Variants in PLXNB1 observed in about 807,000 individuals in gnomAD.
The protein encoded by PLXNB1 is plexin-B1.
Under a neutral mutation model 209.4 loss-of-function variants are expected in PLXNB1, and 106 were observed. That is an observed-to-expected ratio of 0.51 (90% CI 0.43 to 0.59). The LOEUF (loss-of-function observed/expected upper bound fraction) is 0.59. PLXNB1 is among the 20% of genes least tolerant of loss of function. PLXNB1 has a pLI of 0.00. For synonymous variants in PLXNB1, 1,167 were observed against 1,183.2 expected, an observed-to-expected ratio of 0.99 and a Z score of 0.28; for missense variants, 2,357 against 2,853.2, an observed-to-expected ratio of 0.83 and a Z score of 3.96.
chr3:48,419,651 C>G lies in PLXNB1; in HGVS notation c.2635G>C (p.Glu879Gln). 6.2e-7 allele frequency: 1 copy of G among 1,612,562 alleles called. No individual in the cohort carries two copies. ...LSGDGDSAEL[E>Q]GPPAPLILPS... ...AGGATGAGGGGGGCGGGAGGGCCCT[C>G]AAGCTCTGCTGAGTCTCCATCACCT... Residue 879 changes from glutamate (E) to glutamine (Q), a missense_variant, in exon 11 of 38, where the codon GAG (glutamate) becomes CAG (glutamine). By Grantham distance (29) the Glu-to-Gln change is conservative. This residue lies in a region of PLXNB1 where 410 missense variants were observed against 401.0 expected (regional missense o/e 1.02). Transcript: ENST00000296440. This position sits in a 1 kb window ranked among gnomAD's most constrained non-coding sequence, Gnocchi z 5.7.
In PLXNB1 at chr3:48,421,001, C is replaced by A. The variant is rs377122230; in HGVS notation, c.1811-45G>T. The A allele has an allele frequency of 1.5e-5, 23 of 1,490,692 alleles. No homozygotes were observed. In the African/African-American group the frequency reaches 2.9e-4, roughly 19 times the overall value. 92.3% of individuals were successfully genotyped at this position (1,490,692 alleles called of 1,614,324 possible). A position where few individuals can be genotyped will look rare whatever the true frequency, so the allele number is the denominator to read the frequency against. ...GCCAGGGTTAAGCAGCAAGGAGGTG[C>A]ACTCAGACCCAGAGCCGATATCCTG... On this transcript the variant is annotated intron_variant, in intron 8 of 37. Transcript: ENST00000296440.
intron 37 of PLXNB1, 113 bp from the exon 38 acceptor site, chr3:48,404,703 A>C (rs1575371326): frequency 1.2e-5 from 8 of 659,138 alleles, no homozygotes. Flanking sequence ...AGGCCAAGAA[A>C]CCCAGCCGGT....
rs371426527 is a variant in PLXNB1 at position 48,418,577 on chromosome 3, T to G, written c.2956-35A>C. ...TGGGAGTGGGTTCAGAGTCAAGCACTGGGGGAAGTGTCAGGCCTGGGGAGG... is the reference window on the plus strand; with the variant it reads ...TGGGAGTGGGTTCAGAGTCAAGCACGGGGGGAAGTGTCAGGCCTGGGGAGG... On this transcript the variant is annotated intron_variant, in intron 13 of 37. Transcript: ENST00000296440. This position sits in a 1 kb window ranked among gnomAD's most constrained non-coding sequence, Gnocchi z 6.6. 3.4e-6 allele frequency: 5 copies of G among 1,489,318 alleles called. No homozygotes were observed. In the African/African-American group the frequency reaches 7.0e-5, roughly 21 times the overall value. 92.3% of individuals were successfully genotyped at this position (1,489,318 alleles called of 1,614,324 possible).
At chr3:48,412,114 G>T in intron 27 of PLXNB1, 105 bp from the exon 28 acceptor site, 1 of 1,481,570 alleles carries the variant, frequency 6.7e-7, no homozygotes, top group Non-Finnish European at 9.4e-7. Flanking sequence ...GGGGACTGAG[G>T]ACAGGCTGAG....
rs915087432 is a variant in PLXNB1 at position 48,422,941 on chromosome 3, G to C, written c.1114C>G (p.Leu372Val). The change falls in exon 4 of 38, where the codon CTG becomes GTG. Residue 372 changes from leucine (L) to valine (V), a missense_variant. Physicochemically the swap from Leu to Val is conservative, Grantham distance 32. This residue lies in a region of PLXNB1 where 404 missense variants were observed against 443.6 expected (regional missense o/e 0.91). Coordinates refer to ENST00000296440, the MANE Select transcript of PLXNB1 (RefSeq NM_001130082.3). ...TCTGAGCCACAGGGATAAGCATCCA[G>C]GGTGTCCTATAGGCAGCAAGAAGCA... ...SDCAQLPVDT[L>V]DAYPCGSDHT... 6.2e-7 allele frequency: 1 copy of C among 1,613,296 alleles called. No individual in the cohort carries two copies. Among genetic ancestry groups the C allele is most frequent in the African/African-American group, 1.3e-5 (1 of 74,900 alleles).
At position 48,419,460 on chromosome 3, in the gene PLXNB1, G is replaced by A. The variant is rs570843946; in HGVS notation, c.2710-94C>T. On this transcript the variant is annotated intron_variant, in intron 11 of 37. Transcript: ENST00000296440. The surrounding 1 kb of genome is among the most constrained non-coding windows in gnomAD (Gnocchi z 5.7). ...ATTCCAGAGGCAAGGCCGGTGTGGG[G>A]CTGCAGACTCCACCCTGCCCCTCAC... The A allele has an allele frequency of 2.7e-6, 4 of 1,502,286 alleles. No homozygotes were observed. In the African/African-American group the frequency reaches 4.1e-5, roughly 16 times the overall value. The allele number at this position is 1,502,286 out of a possible 1,614,324, so 93.1% of individuals were successfully genotyped here. A position where few individuals can be genotyped will look rare whatever the true frequency, so the allele number is the denominator to read the frequency against.
At chr3:48,428,715 G>C (rs1440065231) in intron 1 of PLXNB1, among the ~76,000 whole-genome samples, 1 of 151,946 alleles carries the variant, frequency 6.6e-6, no homozygotes, top group African/African-American at 2.4e-5. Context: ...TGTGTGTTGA[G>C]GAGGGGTGGG....
In PLXNB1 at chr3:48,403,905, C is replaced by T. The variant is rs1008593590; in HGVS notation, c.*581G>A. 1 of 153,778 alleles carries T rather than the reference C, an allele frequency of 6.5e-6. No homozygotes were observed. The allele number at this position is 153,778 out of a possible 1,614,324, so 9.5% of individuals were successfully genotyped here. A position where few individuals can be genotyped will look rare whatever the true frequency, so the allele number is the denominator to read the frequency against. On this transcript the variant is annotated 3_prime_UTR_variant, in exon 38 of 38. Transcript: ENST00000296440. ...GCTGGGTCAATGGAGTCACCACTCT[C>T]CCCAAGACCCCCCTGCAGCAGATAG...
intron 1 of PLXNB1, among the ~76,000 whole-genome samples, chr3:48,427,961 G>A (rs2038982721): frequency 6.6e-6 from 1 of 152,202 alleles, no homozygotes; most frequent in Non-Finnish European, 1.5e-5. Flanking sequence ...GAAACAGTGT[G>A]TGCCTGGCAT....
At position 48,417,068 on chromosome 3, in the gene PLXNB1, G is replaced by T. The variant is rs890359069; in HGVS notation, c.3375-617C>A. 1.3e-5 allele frequency among the ~76,000 whole-genome samples: 2 copies of T among 152,188 alleles called. No individual in the cohort carries two copies. Among genetic ancestry groups the T allele is most frequent in the African/African-American group, 4.8e-5 (2 of 41,434 alleles). On this transcript the variant is annotated intron_variant, in intron 16 of 37. Coordinates refer to ENST00000296440, the MANE Select transcript of PLXNB1 (RefSeq NM_001130082.3). The surrounding 1 kb of genome is among the most constrained non-coding windows in gnomAD (Gnocchi z 4.4). Reference sequence around the variant, plus strand: ...ACAAGTGACGTGTGAGCCACCCAGGGGAGGCTCCAGACAGAATATATGCTA... The same window carrying T: ...ACAAGTGACGTGTGAGCCACCCAGGTGAGGCTCCAGACAGAATATATGCTA...
In PLXNB1 at chr3:48,412,638, G is replaced by A. The variant is rs774481571; in HGVS notation, c.4855-18C>T. The A allele has an allele frequency of 2.5e-6, 4 of 1,612,572 alleles. No individual in the cohort carries two copies. Among genetic ancestry groups the A allele is most frequent in the Non-Finnish European group, 2.5e-6 (3 of 1,179,302 alleles). The stretch of plus-strand genomic sequence containing the variant: ...TGGATGAACTGCAGCCAAAGAGAAG[G>A]GATGGGAAAAGGGGTTTAGGGGGAC... On this transcript the variant is annotated intron_variant, in intron 25 of 37. Coordinates refer to ENST00000296440, the MANE Select transcript of PLXNB1 (RefSeq NM_001130082.3).
Position 48,421,908 on chromosome 3 carries a change from G to T in PLXNB1, c.1521-102C>A. 3 of 1,502,864 alleles carry T rather than the reference G, an allele frequency of 2.0e-6. No individual in the cohort carries two copies. The South Asian group carries it at 3.9e-5, about 20-fold the overall frequency. 93.1% of individuals were successfully genotyped at this position (1,502,864 alleles called of 1,614,324 possible). ...TGGAGGACCTGGGCAGGGCCCTAGA[G>T]TGGGCATGATAGAGGCTCCTGTGTC... On this transcript the variant is annotated intron_variant, in intron 6 of 37. Transcript: ENST00000296440.
Position 48,420,946 on chromosome 3 carries a change from G to A in PLXNB1, c.1821C>T (p.Ser607=), listed in dbSNP as rs773945966. The A allele has an allele frequency of 2.7e-5, 43 of 1,612,618 alleles. No homozygotes were observed. Among genetic ancestry groups the A allele is most frequent in the Admixed American group, 3.3e-5 (2 of 59,976 alleles). The part of the protein sequence containing the change: ...PVLPRGADYV[S]VSVELRFGAV... ...CGCCAAATCTGAGCTCCACGCTCAC[G>A]GATACGTAGTCTGCAGAGGGGGAGA... The change falls in exon 9 of 38, where the codon TCC becomes TCT. Residue 607 remains serine, a synonymous_variant. Coordinates refer to ENST00000296440, the MANE Select transcript of PLXNB1 (RefSeq NM_001130082.3).
At position 48,424,536 on chromosome 3, in the gene PLXNB1, T is replaced by C; in HGVS notation, c.76A>G (p.Thr26Ala). The C allele has an allele frequency of 6.3e-7, 1 of 1,587,762 alleles. No individual in the cohort carries two copies. Among genetic ancestry groups the C allele is most frequent in the African/African-American group, 1.3e-5 (1 of 74,364 alleles). The change falls in exon 3 of 38, where the codon ACT becomes GCT. Residue 26 changes from threonine (T) to alanine (A), a missense_variant. Thr to Ala is a moderately conservative substitution (Grantham distance 58). Coordinates refer to ENST00000296440, the MANE Select transcript of PLXNB1 (RefSeq NM_001130082.3). ...WVLTLQPLPP[T>A]AFTPNGTYLQ... ...TACGTGCCATTGGGAGTGAATGCAG[T>C]TGGTGGAAGGGGCTGGAGGGTGAGG...
At chr3:48,427,720 G>T (rs897800268) in intron 1 of PLXNB1, among the ~76,000 whole-genome samples, 1 of 152,170 alleles carries the variant, frequency 6.6e-6, no homozygotes, top group Non-Finnish European at 1.5e-5. Flanking sequence ...TCTTGCCGCT[G>T]CCTGGAATGC....
Position 48,418,658 on chromosome 3 carries a change from C to A in PLXNB1, c.2956-116G>T, listed in dbSNP as rs2038271147. On this transcript the variant is annotated intron_variant, in intron 13 of 37. Transcript: ENST00000296440. This position sits in a 1 kb window ranked among gnomAD's most constrained non-coding sequence, Gnocchi z 6.6. ...GTTAGGAGCATAGGGTCAGAGGGAC[C>A]CCATGGGGCCACAAGTTGGAGGGCA... 2.1e-6 allele frequency: 2 copies of A among 971,974 alleles called. No individual in the cohort carries two copies. Among genetic ancestry groups the A allele is most frequent in the Non-Finnish European group, 1.6e-6 (1 of 637,640 alleles). 60.2% of individuals were successfully genotyped at this position (971,974 alleles called of 1,614,324 possible). A position where few individuals can be genotyped will look rare whatever the true frequency, so the allele number is the denominator to read the frequency against.
At position 48,410,238 on chromosome 3, in the gene PLXNB1, C is replaced by T. The variant is rs906654070; in HGVS notation, c.5605+58G>A. 6 of 1,501,906 alleles carry T rather than the reference C, an allele frequency of 4.0e-6. No individual in the cohort carries two copies. Among genetic ancestry groups the T allele is most frequent in the South Asian group, 1.3e-5 (1 of 79,852 alleles). 93.0% of individuals were successfully genotyped at this position (1,501,906 alleles called of 1,614,324 possible). ...TGCCCTGAGGCCCAGAGGACCTTCC[C>T]CATGACTCCGGGCTGGGCACAGCAG... On this transcript the variant is annotated intron_variant, in intron 31 of 37. Transcript: ENST00000296440. This position sits in a 1 kb window ranked among gnomAD's most constrained non-coding sequence, Gnocchi z 6.4.
In PLXNB1 at chr3:48,405,987, G is replaced by A. The variant is rs1178012804; in HGVS notation, c.6229-189C>T. On this transcript the variant is annotated intron_variant, in intron 36 of 37. Transcript: ENST00000296440. The surrounding 1 kb of genome is among the most constrained non-coding windows in gnomAD (Gnocchi z 5.0). Reference sequence around the variant, plus strand: ...CCCCAGGCCAGGTGTGCCAGATGGGGACAGAACAGGGTAGAGCAAGGGGGC... The same window carrying A: ...CCCCAGGCCAGGTGTGCCAGATGGGAACAGAACAGGGTAGAGCAAGGGGGC... 5 of 570,700 alleles carry A rather than the reference G, an allele frequency of 8.8e-6. No individual in the cohort carries two copies. Among genetic ancestry groups the A allele is most frequent in the South Asian group, 7.4e-5 (4 of 53,752 alleles). The allele number at this position is 570,700 out of a possible 1,614,324, so 35.4% of individuals were successfully genotyped here.
intron 7 of PLXNB1, 135 bp downstream of exon 7, chr3:48,421,539 C>A: frequency 8.3e-7 from 1 of 1,198,840 alleles, no homozygotes; most frequent in South Asian, 1.5e-5. Flanking sequence ...GATGGGGAAA[C>A]TGAGCTCCTA....
Sources: gnomAD v4.1 joint callset for allele counts (sites outside exome capture counted in the v4.1 genomes callset) on GRCh38, gnomAD v4.1.1 for gene constraint, gnomAD v4.1.1 regional missense constraint, Gnocchi (gnomAD v3.1) non-coding constraint, MANE v1.5 for transcripts, NCBI Gene and HGNC (gene_info 2026-07-23, HGNC 2026-07-21) for gene names.